The following PRR18 variants were observed in gnomAD, a reference collection of about 807,000 sequenced individuals.
The protein encoded by PRR18 is proline-rich protein 18.
For missense variants in PRR18, 517 were observed against 437.4 expected, an observed-to-expected ratio of 1.18 and a Z score of -1.62; for synonymous variants, 228 against 220.2, an observed-to-expected ratio of 1.04 and a Z score of -0.32.
In PRR18 at chr6:166,307,760, C is replaced by G. The variant is rs200470806; in HGVS notation, c.383G>C (p.Cys128Ser). The G allele has an allele frequency of 2.9e-5, 44 of 1,502,320 alleles. No individual in the cohort carries two copies. The African/African-American group carries it at 5.7e-4, about 20-fold the overall frequency. 93.1% of individuals were successfully genotyped at this position (1,502,320 alleles called of 1,614,324 possible). The change falls in exon 1 of 1, where the codon TGT becomes TCT. Residue 128 changes from cysteine (C) to serine (S), a missense_variant. Physicochemically the swap from Cys to Ser is moderately radical, Grantham distance 112. Coordinates refer to ENST00000322583, the MANE Select transcript of PRR18 (RefSeq NM_175922.4). ...GCAGAAGCGCGCAGCGGAGTCTGGACAAGGCCCCGCCCCCGAGGAGGTGCC... is the reference window on the plus strand; with the variant it reads ...GCAGAAGCGCGCAGCGGAGTCTGGAGAAGGCCCCGCCCCCGAGGAGGTGCC... ...AAGTSSGAGPCPDSAARFCLN... is the reference protein window; with the variant it reads ...AAGTSSGAGPSPDSAARFCLN...
In PRR18 at chr6:166,307,911, G is replaced by A. The variant is rs1240961529; in HGVS notation, c.232C>T (p.Gln78Ter). 1.3e-5 allele frequency: 16 copies of A among 1,225,354 alleles called. No homozygotes were observed. The highest frequency in any genetic ancestry group is 3.3e-5 in the East Asian group (1 of 30,424). 75.9% of individuals were successfully genotyped at this position (1,225,354 alleles called of 1,614,324 possible). A position where few individuals can be genotyped will look rare whatever the true frequency, so the allele number is the denominator to read the frequency against. ...QPPAPPGVSP[Q>*]ALPSRARAPA... is the part of the protein sequence containing the mutation. ...GCCCGCGCGCGGCTGGGCAAGGCCT[G>A]GGGGGAGACGCCCGGAGGGGCCGGC... is the stretch of plus-strand genomic sequence containing the variant. The change falls in exon 1 of 1, where the codon CAG (glutamine) becomes TAG (stop). Residue 78 changes from glutamine to a stop codon, truncating the protein, a stop_gained. Transcript: ENST00000322583. LOFTEE classifies it low-confidence loss of function (END_TRUNC).
chr6:166,307,296 C>T lies in PRR18; in HGVS notation c.847G>A (p.Ala283Thr), dbSNP rs1778110849. Residue 283 changes from alanine to threonine, a missense_variant, in exon 1 of 1, where the codon GCG becomes ACG. Physicochemically the swap from Ala to Thr is moderately conservative, Grantham distance 58. Transcript: ENST00000322583. ...VESAAAARGR[A>T]GALDSRRHLS... The stretch of plus-strand genomic sequence containing the variant: ...TGCCGCCGTGAGTCCAGGGCCCCCG[C>T]CCGGCCCCGCGCGGCAGCCGCGGAC... The T allele has an allele frequency of 1.3e-6, 2 of 1,532,008 alleles. No homozygotes were observed. Among genetic ancestry groups the T allele is most frequent in the Non-Finnish European group, 1.7e-6 (2 of 1,147,522 alleles). 94.9% of individuals were successfully genotyped at this position (1,532,008 alleles called of 1,614,324 possible).
rs1261567899 is a variant in PRR18, at chr6:166,307,890, G to C, written c.253C>G (p.Arg85Gly). ...VSPQALPSRA[R>G]APATCAPPRP... ...GGCGGGGCGCACGTGGCTGGGGCCC[G>C]CGCGCGGCTGGGCAAGGCCTGGGGG... Residue 85 changes from arginine to glycine, a missense_variant, in exon 1 of 1, where the codon CGG becomes GGG. By Grantham distance (125) the Arg-to-Gly change is moderately radical (BLOSUM62 -2). Transcript: ENST00000322583. 16 of 1,236,258 alleles carry C rather than the reference G, an allele frequency of 1.3e-5. No individual in the cohort carries two copies. Among genetic ancestry groups the C allele is most frequent in the Non-Finnish European group, 1.5e-5 (15 of 990,530 alleles). The allele number at this position is 1,236,258 out of a possible 1,614,324, so 76.6% of individuals were successfully genotyped here. A position where few individuals can be genotyped will look rare whatever the true frequency, so the allele number is the denominator to read the frequency against.
At position 166,307,107 on chromosome 6, in the gene PRR18, C is replaced by G; in HGVS notation, c.*148G>C. ...GTCGGGCGAGTCTGGCTGCGCCCCA[C>G]GTGGGCCAGCTTGCGCACTGGTGTC... On this transcript the variant is annotated 3_prime_UTR_variant, in exon 1 of 1. Transcript: ENST00000322583. 1 of 833,844 alleles carries G rather than the reference C, an allele frequency of 1.2e-6. No homozygotes were observed. The highest frequency in any genetic ancestry group is 1.7e-6 in the Non-Finnish European group (1 of 599,436). The allele number at this position is 833,844 out of a possible 1,614,324, so 51.7% of individuals were successfully genotyped here.
rs1231930980 is a variant in PRR18 at position 166,306,100 on chromosome 6, C to T, written c.*1155G>A. 1 of 152,146 alleles carries T rather than the reference C, an allele frequency of 6.6e-6. No individual in the cohort carries two copies. Among genetic ancestry groups the T allele is most frequent in the Non-Finnish European group, 1.5e-5 (1 of 68,028 alleles). 9.4% of individuals were successfully genotyped at this position (152,146 alleles called of 1,614,324 possible). A position where few individuals can be genotyped will look rare whatever the true frequency, so the allele number is the denominator to read the frequency against. On this transcript the variant is annotated 3_prime_UTR_variant, in exon 1 of 1. Coordinates refer to ENST00000322583, the MANE Select transcript of PRR18 (RefSeq NM_175922.4). Reference sequence around the variant, plus strand: ...TAGGTTTTTTTCTGTTTTTGCAACTCATCTGGCAGCTGACCTAGCTCCCAA... The same window carrying T: ...TAGGTTTTTTTCTGTTTTTGCAACTTATCTGGCAGCTGACCTAGCTCCCAA...
At position 166,307,662 on chromosome 6, in the gene PRR18, G is replaced by T; in HGVS notation, c.481C>A (p.Arg161Ser). 1 of 1,479,342 alleles carries T rather than the reference G, an allele frequency of 6.8e-7. No individual in the cohort carries two copies. The highest frequency in any genetic ancestry group is 9.0e-7 in the Non-Finnish European group (1 of 1,109,428). 91.6% of individuals were successfully genotyped at this position (1,479,342 alleles called of 1,614,324 possible). Reference protein sequence around the residue: ...HLEKQLLARPRRPFPSPSAEP... With the variant: ...HLEKQLLARPSRPFPSPSAEP... ...GCCGAGGGTGAGGGGAAGGGCCTGC[G>T]GGGCCGCGCCAGCAGCTGCTTCTCC... The change falls in exon 1 of 1, where the codon CGC becomes AGC. Residue 161 changes from arginine (R) to serine (S), a missense_variant. Transcript: ENST00000322583.
chr6:166,307,832 C>T lies in PRR18; in HGVS notation c.311G>A (p.Arg104Lys), dbSNP rs754610885. The part of the protein sequence containing the change: ...RPAGSGHSPA[R>K]TTYAATSAGT... ...CGCCGAGGTCGCCGCATAGGTGGTC[C>T]TCGCTGGGCTGTGGCCGGAGCCTGC... Residue 104 changes from arginine to lysine, a missense_variant, in exon 1 of 1, where the codon AGG becomes AAG. Coordinates refer to ENST00000322583, the MANE Select transcript of PRR18 (RefSeq NM_175922.4). 3.7e-6 allele frequency: 5 copies of T among 1,334,194 alleles called. No individual in the cohort carries two copies. In the East Asian group the frequency reaches 1.5e-4, roughly 41 times the overall value. The allele number at this position is 1,334,194 out of a possible 1,614,324, so 82.6% of individuals were successfully genotyped here.
chr6:166,307,751 G>T lies in PRR18; in HGVS notation c.392C>A (p.Ser131Tyr). 1 of 1,511,988 alleles carries T rather than the reference G, an allele frequency of 6.6e-7. No homozygotes were observed. The allele number at this position is 1,511,988 out of a possible 1,614,324, so 93.7% of individuals were successfully genotyped here. A position where few individuals can be genotyped will look rare whatever the true frequency, so the allele number is the denominator to read the frequency against. The stretch of plus-strand genomic sequence containing the variant: ...GAGATTCAGGCAGAAGCGCGCAGCG[G>T]AGTCTGGACAAGGCCCCGCCCCCGA... ...TSSGAGPCPD[S>Y]AARFCLNLTP... The change falls in exon 1 of 1, where the codon TCC becomes TAC. Residue 131 changes from serine (S) to tyrosine (Y), a missense_variant. Ser to Tyr is a moderately radical substitution (Grantham distance 144, BLOSUM62 -2). Coordinates refer to ENST00000322583, the MANE Select transcript of PRR18 (RefSeq NM_175922.4).
rs1394025787 is a variant in PRR18 at position 166,306,388 on chromosome 6, T to C, written c.*867A>G. ...TACATTACTCTTTTATAACCAGCCT[T>C]ATCTGATTATAACATTTTATTTCCT... is the stretch of plus-strand genomic sequence containing the variant. On this transcript the variant is annotated 3_prime_UTR_variant, in exon 1 of 1. Coordinates refer to ENST00000322583, the MANE Select transcript of PRR18 (RefSeq NM_175922.4). The C allele has an allele frequency of 6.6e-6, 1 of 152,268 alleles. No homozygotes were observed. 9.4% of individuals were successfully genotyped at this position (152,268 alleles called of 1,614,324 possible). A position where few individuals can be genotyped will look rare whatever the true frequency, so the allele number is the denominator to read the frequency against.
rs1482868804 is a variant in PRR18 at position 166,306,990 on chromosome 6, G to A, written c.*265C>T. 1 of 403,610 alleles carries A rather than the reference G, an allele frequency of 2.5e-6. No homozygotes were observed. The highest frequency in any genetic ancestry group is 4.5e-5 in the Admixed American group (1 of 22,092). The allele number at this position is 403,610 out of a possible 1,614,324, so 25.0% of individuals were successfully genotyped here. On this transcript the variant is annotated 3_prime_UTR_variant, in exon 1 of 1. Coordinates refer to ENST00000322583, the MANE Select transcript of PRR18 (RefSeq NM_175922.4). ...CGATGCCAAGAGGAGGCCAGAGTGG[G>A]GGCAGAGGCAGGCATCTGGGGTAGA...
At position 166,307,584 on chromosome 6, in the gene PRR18, G is replaced by T; in HGVS notation, c.559C>A (p.Arg187=). 1.6e-6 allele frequency: 2 copies of T among 1,223,260 alleles called. No individual in the cohort carries two copies. Among genetic ancestry groups the T allele is most frequent in the South Asian group, 3.7e-5 (1 of 26,694 alleles). The allele number at this position is 1,223,260 out of a possible 1,614,324, so 75.8% of individuals were successfully genotyped here. A position where few individuals can be genotyped will look rare whatever the true frequency, so the allele number is the denominator to read the frequency against. Residue 187 remains arginine, a synonymous_variant, in exon 1 of 1, where the codon CGG becomes AGG. Coordinates refer to ENST00000322583, the MANE Select transcript of PRR18 (RefSeq NM_175922.4). ...GGGTCGCTGGCGGGGCCGCCCCTCCGCGGGCCCGCGGCCCTAGCCGGGAGA... is the reference window on the plus strand; with the variant it reads ...GGGTCGCTGGCGGGGCCGCCCCTCCTCGGGCCCGCGGCCCTAGCCGGGAGA... ...PCLPARAAGP[R]RGGPASDPDA...
Position 166,308,372 on chromosome 6 carries a change from A to G in PRR18, c.-230T>C. On this transcript the variant is annotated 5_prime_UTR_variant, in exon 1 of 1. Transcript: ENST00000322583. ...GCTCCCGGGACTGGACCCTGCAGGA[A>G]CCGCCTCCCGCCGTCCGACTGTGGG... 2.7e-6 allele frequency: 1 copy of G among 368,070 alleles called. No individual in the cohort carries two copies. Among genetic ancestry groups the G allele is most frequent in the Non-Finnish European group, 4.7e-6 (1 of 212,480 alleles). The allele number at this position is 368,070 out of a possible 1,614,324, so 22.8% of individuals were successfully genotyped here. A position where few individuals can be genotyped will look rare whatever the true frequency, so the allele number is the denominator to read the frequency against.
In PRR18 at chr6:166,307,303, C is replaced by T; in HGVS notation, c.840G>A (p.Arg280=). Residue 280 remains arginine (R), a synonymous_variant, in exon 1 of 1, where the codon CGG becomes CGA. Coordinates refer to ENST00000322583, the MANE Select transcript of PRR18 (RefSeq NM_175922.4). ...LRGVESAAAA[R]GRAGALDSRR... Reference sequence around the variant, plus strand: ...GTGAGTCCAGGGCCCCCGCCCGGCCCCGCGCGGCAGCCGCGGACTCCACGC... The same window carrying T: ...GTGAGTCCAGGGCCCCCGCCCGGCCTCGCGCGGCAGCCGCGGACTCCACGC... 3 of 1,540,012 alleles carry T rather than the reference C, an allele frequency of 1.9e-6. No homozygotes were observed. Among genetic ancestry groups the T allele is most frequent in the African/African-American group, 1.4e-5 (1 of 70,898 alleles).
chr6:166,307,739 A>C lies in PRR18; in HGVS notation c.404T>G (p.Phe135Cys), dbSNP rs751387681. The C allele has an allele frequency of 5.3e-6, 8 of 1,517,572 alleles. No individual in the cohort carries two copies. The South Asian group carries it at 9.9e-5, about 19-fold the overall frequency. 94.0% of individuals were successfully genotyped at this position (1,517,572 alleles called of 1,614,324 possible). ...AGPCPDSAAR[F>C]CLNLTPEAVL... ...GGCCTCGGGGGTGAGATTCAGGCAG[A>C]AGCGCGCAGCGGAGTCTGGACAAGG... The change falls in exon 1 of 1, where the codon TTC (phenylalanine) becomes TGC (cysteine). Residue 135 changes from phenylalanine (F) to cysteine (C), a missense_variant. Phe to Cys is a radical substitution (Grantham distance 205). Coordinates refer to ENST00000322583, the MANE Select transcript of PRR18 (RefSeq NM_175922.4).
chr6:166,307,604 G>T lies in PRR18; in HGVS notation c.539C>A (p.Pro180Gln). ...CCTCCGCGGGCCCGCGGCCCTAGCCGGGAGACACGGGGCGAGTAGGCGCCT... is the reference window on the plus strand; with the variant it reads ...CCTCCGCGGGCCCGCGGCCCTAGCCTGGAGACACGGGGCGAGTAGGCGCCT... ...EPRRLLAPCL[P>Q]ARAAGPRRGG... The change falls in exon 1 of 1, where the codon CCG becomes CAG. Residue 180 changes from proline to glutamine, a missense_variant. Pro to Gln is a moderately conservative substitution (Grantham distance 76). Transcript: ENST00000322583. 1 of 1,287,582 alleles carries T rather than the reference G, an allele frequency of 7.8e-7. No homozygotes were observed. The highest frequency in any genetic ancestry group is 1.5e-5 in the African/African-American group (1 of 64,762). The allele number at this position is 1,287,582 out of a possible 1,614,324, so 79.8% of individuals were successfully genotyped here.
rs1249670882 is a variant in PRR18, at chr6:166,306,997, G to A, written c.*258C>T. On this transcript the variant is annotated 3_prime_UTR_variant, in exon 1 of 1. Coordinates refer to ENST00000322583, the MANE Select transcript of PRR18 (RefSeq NM_175922.4). ...AAGAGGAGGCCAGAGTGGGGGCAGA[G>A]GCAGGCATCTGGGGTAGATACCACC... 7.3e-6 allele frequency: 3 copies of A among 408,552 alleles called. No individual in the cohort carries two copies. The highest frequency in any genetic ancestry group is 7.6e-5 in the South Asian group (1 of 13,240). The allele number at this position is 408,552 out of a possible 1,614,324, so 25.3% of individuals were successfully genotyped here. A position where few individuals can be genotyped will look rare whatever the true frequency, so the allele number is the denominator to read the frequency against.
Position 166,307,931 on chromosome 6 carries a change from GC to G in PRR18, c.211del (p.Ala71ProfsTer67). On this transcript the variant is annotated frameshift_variant, in exon 1 of 1. Transcript: ENST00000322583. LOFTEE classifies it low-confidence loss of function (END_TRUNC). ...GPGLDRTQPP[A>X]PPGVSPQALP... ...GGCCTGGGGGGAGACGCCCGGAGGGGCCGGCGGCTGCGTCCTGTCCAGGCCG... is the reference window on the plus strand; with the variant it reads ...GGCCTGGGGGGAGACGCCCGGAGGGGCGGCGGCTGCGTCCTGTCCAGGCCG... 1.6e-6 allele frequency: 2 copies of G among 1,226,546 alleles called. No individual in the cohort carries two copies. The highest frequency in any genetic ancestry group is 2.0e-6 in the Non-Finnish European group (2 of 981,340). 76.0% of individuals were successfully genotyped at this position (1,226,546 alleles called of 1,614,324 possible).
rs754884357 is a variant in PRR18, at chr6:166,307,365, C to G, written c.778G>C (p.Glu260Gln). 1.9e-6 allele frequency: 3 copies of G among 1,579,138 alleles called. No individual in the cohort carries two copies. Among genetic ancestry groups the G allele is most frequent in the African/African-American group, 1.4e-5 (1 of 72,220 alleles). The part of the protein sequence containing the change: ...EYEEEPEAVD[E>Q]GLVRKCTEWL... ...TCCGTGCACTTGCGTACCAGGCCCT[C>G]GTCCACCGCCTCTGGCTCCTCCTCG... is the stretch of plus-strand genomic sequence containing the variant. The change falls in exon 1 of 1, where the codon GAG (glutamate) becomes CAG (glutamine). Residue 260 changes from glutamate (E) to glutamine (Q), a missense_variant. Transcript: ENST00000322583.
rs967469842 is a variant in PRR18 at position 166,308,160 on chromosome 6, G to T, written c.-18C>A. ...AAGGGCATAGTGCAGCCGAGCCGCC[G>T]GATCCTCAGCCCCTGGAAAGAGAGG... On this transcript the variant is annotated 5_prime_UTR_variant, in exon 1 of 1. Coordinates refer to ENST00000322583, the MANE Select transcript of PRR18 (RefSeq NM_175922.4). 5 of 1,229,000 alleles carry T rather than the reference G, an allele frequency of 4.1e-6. No homozygotes were observed. The highest frequency in any genetic ancestry group is 5.1e-6 in the Non-Finnish European group (5 of 984,716). The allele number at this position is 1,229,000 out of a possible 1,614,324, so 76.1% of individuals were successfully genotyped here.
Sources: allele counts gnomAD v4.1 joint callset, GRCh38; gene constraint gnomAD v4.1.1; transcripts MANE v1.5; gene names NCBI Gene and HGNC (gene_info 2026-07-23, HGNC 2026-07-21).